OSTN: variants seen among roughly 807,000 people sequenced by gnomAD.
OSTN encodes the protein osteocrin.
A neutral mutation model predicts 12.0 loss-of-function variants in OSTN; 9 were observed. The observed-to-expected ratio is 0.75, with a 90% CI of 0.45 to 1.30. The LOEUF (loss-of-function observed/expected upper bound fraction) is 1.30. Among genes scored for constraint, OSTN ranks in the 50% most tolerant of loss-of-function variants. The pLI is 0.00. For missense variants in OSTN, 148 were observed against 152.3 expected (o/e 0.97, Z 0.15); for synonymous variants, 59 against 56.9 (o/e 1.04, Z -0.16).
chr3:191,207,437 G>A lies in OSTN; in HGVS notation c.1-5096G>A, dbSNP rs1244613686. Among the ~76,000 whole-genome samples the A allele has an allele frequency of 4.6e-5, 7 of 151,348 alleles. No homozygotes were observed. The South Asian group carries it at 1.3e-3, about 28-fold the overall frequency. On this transcript the variant is annotated intron_variant, in intron 1 of 4. Transcript: ENST00000682035. ...GACTTCACATGCAGATAGTTTAAAAGTCTTATTGATTAATAGGTGCATGAG... is the reference window on the plus strand; with the variant it reads ...GACTTCACATGCAGATAGTTTAAAAATCTTATTGATTAATAGGTGCATGAG...
chr3:191,218,877 C>A lies in OSTN; in HGVS notation c.233C>A (p.Thr78Lys), dbSNP rs779548793. The change falls in exon 3 of 5, where the codon ACA (threonine) becomes AAA (lysine). Residue 78 changes from threonine to lysine, a missense_variant. Coordinates refer to ENST00000682035, the MANE Select transcript of OSTN (RefSeq NM_198184.2). Reference protein sequence around the residue: ...LVSLENDVIETKKKRSFSGFG... With the variant: ...LVSLENDVIEKKKKRSFSGFG... ...TCCCTAGAAAATGATGTGATTGAGA[C>A]AAAGAAGAAAAGGAGTTTCTCTGGT... 1 of 1,613,958 alleles carries A rather than the reference C, an allele frequency of 6.2e-7. No homozygotes were observed. The highest frequency in any genetic ancestry group is 8.5e-7 in the Non-Finnish European group (1 of 1,180,006).
At position 191,218,747 on chromosome 3, in the gene OSTN, G is replaced by T. The variant is rs1231160613; in HGVS notation, c.103G>T (p.Ala35Ser). ...GGAATCGCCTTTCTCTGCCTTATAG[G>T]CCTTTGATTCTGGAGTCATAGATGT... ...VLSVDVTTTE[A>S]FDSGVIDVQS... Residue 35 changes from alanine to serine, a missense_variant and splice_region_variant, in exon 3 of 5, where the codon GCC (alanine) becomes TCC (serine). Ala to Ser is a moderately conservative substitution (Grantham distance 99). Coordinates refer to ENST00000682035, the MANE Select transcript of OSTN (RefSeq NM_198184.2). The T allele has an allele frequency of 2.5e-6, 4 of 1,613,090 alleles. No homozygotes were observed. Among genetic ancestry groups the T allele is most frequent in the East Asian group, 2.2e-5 (1 of 44,878 alleles).
At chr3:191,259,631 A>G (rs1715757919) in intron 4 of OSTN, among the ~76,000 whole-genome samples, 1 of 151,876 alleles carries the variant, frequency 6.6e-6, no homozygotes, top group Admixed American at 6.6e-5. Flanking sequence ...AAAGTCACAC[A>G]GATGTCAAAC....
chr3:191,219,102 G>A (rs547008935), intron 3 of OSTN, 141 bp downstream of exon 3: 1 of 766,416 alleles, frequency 1.3e-6, no homozygotes, highest in Non-Finnish European at 2.0e-6. Flanking sequence ...CTAATCTGTA[G>A]GTTTAATAAT....
intron 1 of OSTN, among the ~76,000 whole-genome samples, chr3:191,210,331 C>T (rs556047126): frequency 6.6e-6 from 1 of 152,334 alleles, no homozygotes; most frequent in South Asian, 2.1e-4. Flanking sequence ...CGCACCCGAG[C>T]CTCTGCCTCT....
intron 3 of OSTN, among the ~76,000 whole-genome samples, chr3:191,219,383 T>C (rs1714706497): frequency 1.3e-5 from 2 of 152,208 alleles, no homozygotes; most frequent in Admixed American, 6.5e-5. Context: ...TGAATCTGAG[T>C]GACAAGTTCT....
At chr3:191,251,429 G>A (rs563587745) in intron 4 of OSTN, among the ~76,000 whole-genome samples, 1 of 152,192 alleles carries the variant, frequency 6.6e-6, no homozygotes, top group East Asian at 1.9e-4. Flanking sequence ...TCTGAGGCTA[G>A]AGCAGAGGGA....
chr3:191,227,513 G>A (rs1228740049), intron 3 of OSTN, among the ~76,000 whole-genome samples: 4 of 152,160 alleles, frequency 2.6e-5, no homozygotes, highest in Admixed American at 2.0e-4. Flanking sequence ...ACTAGTAAAA[G>A]TGTGTTTAGA....
chr3:191,214,325 G>T (rs888071141), intron 2 of OSTN, among the ~76,000 whole-genome samples: 1 of 150,880 alleles, frequency 6.6e-6, no homozygotes, highest in Non-Finnish European at 1.5e-5. Flanking sequence ...GTGGGCGCCT[G>T]TAGTCCCTGC....
At chr3:191,230,493 G>A (rs1456928264) in intron 3 of OSTN, among the ~76,000 whole-genome samples, 1 of 150,736 alleles carries the variant, frequency 6.6e-6, no homozygotes, top group Non-Finnish European at 1.5e-5. Flanking sequence ...GAACGTGGGA[G>A]GTGGAGGTTG....
intron 4 of OSTN, among the ~76,000 whole-genome samples, chr3:191,259,198 C>CTTT: frequency 9.9e-6 from 1 of 100,872 alleles, no homozygotes; most frequent in East Asian, 2.1e-4. Context: ...GGAAAACAAT[C>CTTT]TGTTTTTTTT....
chr3:191,223,099 A>G (rs1330110432), intron 3 of OSTN, among the ~76,000 whole-genome samples: 1 of 152,184 alleles, frequency 6.6e-6, no homozygotes, highest in Admixed American at 6.5e-5. Context: ...AGAATGGACT[A>G]ATAAACCATA....
intron 3 of OSTN, among the ~76,000 whole-genome samples, chr3:191,232,255 C>T (rs919515575): frequency 3.5e-5 from 5 of 143,028 alleles, no homozygotes; most frequent in African/African-American, 5.3e-5. Flanking sequence ...CGCTTGAACA[C>T]GTGGGAGGCG....
chr3:191,218,808 C>T lies in OSTN; in HGVS notation c.164C>T (p.Ala55Val). Residue 55 changes from alanine (A) to valine (V), a missense_variant, in exon 3 of 5, where the codon GCC (alanine) becomes GTC (valine). Transcript: ENST00000682035. ...STPTVREEKSATDLTAKLLLL... is the reference protein window; with the variant it reads ...STPTVREEKSVTDLTAKLLLL... ...CCCACAGTCAGGGAAGAGAAATCAG[C>T]CACTGACCTGACAGCAAAACTCTTG... The T allele has an allele frequency of 6.2e-7, 1 of 1,614,034 alleles. No individual in the cohort carries two copies. Among genetic ancestry groups the T allele is most frequent in the Non-Finnish European group, 8.5e-7 (1 of 1,179,980 alleles).
intron 4 of OSTN, among the ~76,000 whole-genome samples, chr3:191,252,514 CATCTTGATA>C (rs749570650): frequency 3.3e-4 from 51 of 152,328 alleles, no homozygotes; most frequent in Non-Finnish European, 5.9e-4. Context: ...CTTTGTTAAG[CATCTTGATA>C]ATCACTGTTC....
At chr3:191,222,235 G>T (rs1421371011) in intron 3 of OSTN, among the ~76,000 whole-genome samples, 1 of 152,212 alleles carries the variant, frequency 6.6e-6, no homozygotes, top group African/African-American at 2.4e-5. Flanking sequence ...TAGTAGTGTT[G>T]TGAAAAGAGG....
chr3:191,255,288 T>C (rs372113486), intron 4 of OSTN, among the ~76,000 whole-genome samples: 63 of 152,316 alleles, frequency 4.1e-4, no homozygotes, highest in African/African-American at 1.5e-3. Flanking sequence ...GCTGTGTGGC[T>C]CAGTTCCTAA....
chr3:191,245,040 T>C (rs1715399313), intron 3 of OSTN, among the ~76,000 whole-genome samples: 1 of 152,190 alleles, frequency 6.6e-6, no homozygotes, highest in African/African-American at 2.4e-5. Flanking sequence ...GGAGGGATAC[T>C]TTTTTACTGG....
chr3:191,256,398 T>G (rs1715671525), intron 4 of OSTN, among the ~76,000 whole-genome samples: 1 of 152,182 alleles, frequency 6.6e-6, no homozygotes, highest in South Asian at 2.1e-4. Flanking sequence ...AGACTGAATT[T>G]AGCATTTGAA....
Sources: allele counts gnomAD v4.1 joint callset (sites outside exome capture counted in the v4.1 genomes callset), GRCh38; gene constraint gnomAD v4.1.1; transcripts MANE v1.5; gene names NCBI Gene and HGNC (gene_info 2026-07-23, HGNC 2026-07-21).